Variants in CCDC146 observed in about 807,000 individuals in gnomAD.
CCDC146 encodes the protein coiled-coil domain containing 146.
A neutral mutation model predicts 119.3 loss-of-function variants in CCDC146; 92 were observed. The ratio of observed to expected loss-of-function variants is 0.77; its 90% CI spans 0.65 to 0.92. The LOEUF is 0.92. Among genes scored for constraint, CCDC146 ranks in the 40% least tolerant of loss-of-function variants. The pLI, the probability that CCDC146 is intolerant of heterozygous loss-of-function variation, is 0.00. For synonymous variants in CCDC146, 372 were observed against 371.8 expected, an observed-to-expected ratio of 1.00 and a Z score of -0.01; for missense variants, 1,000 against 1,103.0, an observed-to-expected ratio of 0.91 and a Z score of 1.32.
intron 2 of CCDC146, among the ~76,000 whole-genome samples, chr7:77,182,230 T>C (rs2150417188): frequency 6.6e-6 from 1 of 152,250 alleles, no homozygotes; most frequent in South Asian, 2.1e-4. Flanking sequence ...TCTTAATGAT[T>C]TGGAAAGAAA....
At chr7:77,123,698 G>A (rs1421032151) in intron 1 of CCDC146, among the ~76,000 whole-genome samples, 3 of 152,112 alleles carry the variant, frequency 2.0e-5, no homozygotes, top group African/African-American at 7.2e-5. Context: ...TGGGGCTATC[G>A]TGATAGATAG....
Position 77,259,939 on chromosome 7 carries a change from AGTGTGTGTGTGTGTGTGTGTGT to A in CCDC146, c.759-33_759-12del, listed in dbSNP as rs58669153. ...GCCAGCATGGCCTCAAAATAAGGCA[AGTGTGTGTGTGTGTGTGTGTGT>A]GTGTGTGTGTGTGTGTGTGTGTGTG... On this transcript the variant is annotated intron_variant, in intron 7 of 18. Coordinates refer to ENST00000285871, the MANE Select transcript of CCDC146 (RefSeq NM_020879.3). 2,021 of 758,082 alleles carry A rather than the reference AGTGTGTGTGTGTGTGTGTGTGT, an allele frequency of 2.7e-3. 21 individuals are homozygous for A. Among genetic ancestry groups the A allele is most frequent in the African/African-American group, 8.6e-3 (436 of 50,936 alleles). The allele number at this position is 758,082 out of a possible 1,614,324, so 47.0% of individuals were successfully genotyped here.
At chr7:77,252,659 G>A (rs1017227059) in intron 4 of CCDC146, among the ~76,000 whole-genome samples, 1 of 152,176 alleles carries the variant, frequency 6.6e-6, no homozygotes, top group Non-Finnish European at 1.5e-5. Context: ...GATGTTTAAC[G>A]CATCACTGTA....
At chr7:77,181,551 T>C (rs546485195) in intron 2 of CCDC146, among the ~76,000 whole-genome samples, 3 of 152,340 alleles carry the variant, frequency 2.0e-5, no homozygotes, top group South Asian at 2.1e-4. Context: ...CCTTAGTACA[T>C]GTACGGTCTT....
At chr7:77,176,438 A>G (rs1437638376) in intron 2 of CCDC146, among the ~76,000 whole-genome samples, 2 of 151,110 alleles carry the variant, frequency 1.3e-5, no homozygotes, top group East Asian at 4.0e-4. Context: ...TGGGTGAGGA[A>G]AAGATTCTAA....
chr7:77,270,426 A>T (rs1273541369), intron 9 of CCDC146, among the ~76,000 whole-genome samples: 2 of 152,160 alleles, frequency 1.3e-5, no homozygotes, highest in Non-Finnish European at 2.9e-5. Context: ...AAGAACTATC[A>T]TAAGCTTACA....
intron 2 of CCDC146, among the ~76,000 whole-genome samples, chr7:77,183,168 TAA>T (rs1229613994): frequency 6.6e-6 from 1 of 152,096 alleles, no homozygotes; most frequent in Non-Finnish European, 1.5e-5. Context: ...TTCCCTCTTT[TAA>T]AATCTCCTCA....
chr7:77,250,076 T>C (rs185124397), intron 4 of CCDC146, among the ~76,000 whole-genome samples: 1 of 152,212 alleles, frequency 6.6e-6, no homozygotes, highest in African/African-American at 2.4e-5. Context: ...AAGTACTTTT[T>C]AAGTAACAAA....
intron 2 of CCDC146, among the ~76,000 whole-genome samples, chr7:77,216,332 TG>T (rs2150455809): frequency 6.6e-6 from 1 of 152,270 alleles, no homozygotes; most frequent in East Asian, 1.9e-4. Context: ...CCTGCCAACC[TG>T]GACTACCTAA....
At chr7:77,199,902 T>A (rs367718439) in intron 2 of CCDC146, 1 of 1,341,998 alleles carries the variant, frequency 7.5e-7, no homozygotes, top group Admixed American at 2.4e-5. Flanking sequence ...GGTGGGAGCG[T>A]TTGCATCACA....
chr7:77,273,360 T>C (rs1330359578), intron 9 of CCDC146, among the ~76,000 whole-genome samples: 5 of 152,240 alleles, frequency 3.3e-5, no homozygotes, highest in Non-Finnish European at 7.3e-5. Context: ...TGGCAAATTA[T>C]AGATTTTTGG....
Position 77,256,368 on chromosome 7 carries a change from C to G in CCDC146, c.543C>G (p.Ser181Arg). The G allele has an allele frequency of 2.5e-6, 4 of 1,599,690 alleles. No homozygotes were observed. Among genetic ancestry groups the G allele is most frequent in the Non-Finnish European group, 3.4e-6 (4 of 1,175,056 alleles). The change falls in exon 6 of 19, where the codon AGC becomes AGG. Residue 181 changes from serine to arginine, a missense_variant. Coordinates refer to ENST00000285871, the MANE Select transcript of CCDC146 (RefSeq NM_020879.3). ...AGAAGATGAAAATATTGAGAGAAAG[C>G]ACTGAAGAATTACGTAAAGAAATAA... ...MEKKMKILRE[S>R]TEELRKEIMQ...
intron 1 of CCDC146, among the ~76,000 whole-genome samples, chr7:77,124,068 C>A (rs1790661803): frequency 6.6e-6 from 1 of 152,200 alleles, no homozygotes; most frequent in Non-Finnish European, 1.5e-5. Context: ...TCTGTAGAAA[C>A]ACTAGACATT....
At chr7:77,233,368 A>G (rs1243267802) in intron 2 of CCDC146, among the ~76,000 whole-genome samples, 1 of 152,136 alleles carries the variant, frequency 6.6e-6, no homozygotes, top group East Asian at 1.9e-4. Context: ...CTGGGATTAC[A>G]GACGTGAGCC....
chr7:77,280,955 T>C (rs1793751881), intron 14 of CCDC146, among the ~76,000 whole-genome samples: 1 of 151,862 alleles, frequency 6.6e-6, no homozygotes, highest in South Asian at 2.1e-4. Context: ...TACAAGAAAT[T>C]AGCCAGGTGT....
chr7:77,173,099 C>T (rs1403288250), intron 2 of CCDC146, among the ~76,000 whole-genome samples: 9 of 151,932 alleles, frequency 5.9e-5, no homozygotes, highest in East Asian at 1.9e-4. Flanking sequence ...GGTTGGGGGC[C>T]GAGGGGAGGG....
At chr7:77,216,998 T>C (rs1792313728) in intron 2 of CCDC146, among the ~76,000 whole-genome samples, 1 of 152,172 alleles carries the variant, frequency 6.6e-6, no homozygotes, top group Non-Finnish European at 1.5e-5. Flanking sequence ...TTTATTGTAT[T>C]GAAAGTACAT....
rs1791864949 is a variant in CCDC146, at chr7:77,196,164, C to A, written c.156+28340C>A. ...AATGCTGTGTAGCATAAGAACCTAG[C>A]CGTCAGACATCATTTTTTAGCTATG... On this transcript the variant is annotated intron_variant, in intron 2 of 18. Transcript: ENST00000285871. This position sits in a 1 kb window ranked among gnomAD's most constrained non-coding sequence, Gnocchi z 4.2. 2 of 727,494 alleles carry A rather than the reference C, an allele frequency of 2.7e-6. No individual in the cohort carries two copies. The highest frequency in any genetic ancestry group is 5.9e-5 in the Admixed American group (2 of 34,128). 45.1% of individuals were successfully genotyped at this position (727,494 alleles called of 1,614,324 possible).
chr7:77,295,032 C>T lies in CCDC146; in HGVS notation c.*166C>T, dbSNP rs2150562751. 3.3e-6 allele frequency: 2 copies of T among 606,982 alleles called. No homozygotes were observed. The highest frequency in any genetic ancestry group is 1.8e-5 in the African/African-American group (1 of 54,080). 37.6% of individuals were successfully genotyped at this position (606,982 alleles called of 1,614,324 possible). ...AGGGTTTCTATTTACCCACCAACTA[C>T]TATACCTTTCATGACGTTGAATGGG... On this transcript the variant is annotated 3_prime_UTR_variant, in exon 19 of 19. Coordinates refer to ENST00000285871, the MANE Select transcript of CCDC146 (RefSeq NM_020879.3).
Sources: allele counts gnomAD v4.1 joint callset (sites outside exome capture counted in the v4.1 genomes callset), GRCh38; gene constraint gnomAD v4.1.1; non-coding constraint Gnocchi (gnomAD v3.1); transcripts MANE v1.5; gene names NCBI Gene and HGNC (gene_info 2026-07-23, HGNC 2026-07-21).